PHACTR3: variants seen among roughly 807,000 people sequenced by gnomAD.
PHACTR3 encodes phosphatase and actin regulator 3.
PHACTR3 carries 16 observed loss-of-function variants against 66.8 expected under a neutral mutation model. That is an observed-to-expected ratio of 0.24 (90% CI 0.16 to 0.36). The LOEUF is 0.36. Among genes scored for constraint, PHACTR3 ranks in the 10% least tolerant of loss-of-function variants. The probability of loss-of-function intolerance (pLI) is 1.00; values close to 1 mark genes in which losing one functional copy is unlikely to be tolerated. For missense variants in PHACTR3, 647 were observed against 719.9 expected, an observed-to-expected ratio of 0.90 and a Z score of 1.16; for synonymous variants, 323 against 292.1, an observed-to-expected ratio of 1.11 and a Z score of -1.08.
intron 1 of PHACTR3, among the ~76,000 whole-genome samples, chr20:59,648,523 C>G (rs1004786037): frequency 6.6e-6 from 1 of 152,150 alleles, no homozygotes; most frequent in East Asian, 1.9e-4. Context: ...AAAATCTCCT[C>G]GTGATTTCTT....
At chr20:59,674,975 T>C (rs1438376637) in intron 1 of PHACTR3, among the ~76,000 whole-genome samples, 1 of 34,536 alleles carries the variant, frequency 2.9e-5, no homozygotes, top group African/African-American at 1.5e-4. Context: ...TTCCTCCCCT[T>C]CTGTTCCCCC....
At chr20:59,721,856 G>A (rs1038899882) in intron 1 of PHACTR3, among the ~76,000 whole-genome samples, 14 of 152,146 alleles carry the variant, frequency 9.2e-5, no homozygotes, top group East Asian at 7.7e-4. Flanking sequence ...CAAAGTCCCC[G>A]TTCTCAAGGA....
rs776432794 is a variant in PHACTR3, at chr20:59,806,167, G to A, written c.1301G>A (p.Arg434Gln). Residue 434 changes from arginine to glutamine, a missense_variant, in exon 8 of 13, where the codon CGG becomes CAG. Physicochemically the swap from Arg to Gln is conservative, Grantham distance 43. Transcript: ENST00000371015. ...ACTGATGAAGAAAGACAGGAGATCC[G>A]GCAGCAGATCGAGATGAAGCTTTCC... is the stretch of plus-strand genomic sequence containing the variant. ...RRTDEERQEI[R>Q]QQIEMKLSKR... 7.4e-6 allele frequency: 12 copies of A among 1,614,072 alleles called. No homozygotes were observed. Among genetic ancestry groups the A allele is most frequent in the African/African-American group, 5.3e-5 (4 of 74,940 alleles).
chr20:59,759,029 T>C (rs946359), intron 4 of PHACTR3, among the ~76,000 whole-genome samples: 113,222 of 152,082 alleles, frequency 0.74, 43,094 homozygotes, highest in South Asian at 0.83. Flanking sequence ...TGTCATCTGT[T>C]GTCTTCATTG....
chr20:59,814,951 G>A (rs916674106), intron 8 of PHACTR3, among the ~76,000 whole-genome samples: 2 of 152,116 alleles, frequency 1.3e-5, no homozygotes, highest in South Asian at 2.1e-4. Context: ...AACAGGAGGT[G>A]GGGGGAGGGT....
intron 12 of PHACTR3, among the ~76,000 whole-genome samples, chr20:59,846,810 T>TTCA (rs1214807691): frequency 2.0e-5 from 3 of 152,184 alleles, no homozygotes; most frequent in Non-Finnish European, 4.4e-5. Flanking sequence ...TATTAACAAA[T>TTCA]TCATCATTTC....
At chr20:59,781,387 C>T (rs1243156714) in intron 7 of PHACTR3, among the ~76,000 whole-genome samples, 2 of 152,344 alleles carry the variant, frequency 1.3e-5, no homozygotes, top group African/African-American at 2.4e-5. Flanking sequence ...ACCCACGGCG[C>T]CCAGCCTCAG....
chr20:59,722,790 T>C lies in PHACTR3; in HGVS notation c.119-20317T>C, dbSNP rs961871585. ...CAGGGGTTTGGGAGAGGTTAGCAAATACTCATGCTTGTTTTGGGAGGAGCC... is the reference window on the plus strand; with the variant it reads ...CAGGGGTTTGGGAGAGGTTAGCAAACACTCATGCTTGTTTTGGGAGGAGCC... On this transcript the variant is annotated intron_variant, in intron 1 of 12. Transcript: ENST00000371015. Among the ~76,000 whole-genome samples, 4 of 151,680 alleles carry C rather than the reference T, an allele frequency of 2.6e-5. No homozygotes were observed. In the East Asian group the frequency reaches 5.8e-4, roughly 22 times the overall value.
intron 1 of PHACTR3, among the ~76,000 whole-genome samples, chr20:59,580,947 A>G (rs113278262): frequency 4.9e-4 from 74 of 152,274 alleles, no homozygotes; most frequent in African/African-American, 1.7e-3. Context: ...TCTGTCCCAG[A>G]CTCAGGGTGG....
intron 1 of PHACTR3, among the ~76,000 whole-genome samples, chr20:59,685,382 G>A (rs1213977685): frequency 6.6e-6 from 1 of 152,186 alleles, no homozygotes; most frequent in African/African-American, 2.4e-5. Flanking sequence ...GACCCTACCA[G>A]CCTGGGTTTG....
At chr20:59,842,252 TCTTG>T (rs776944233) in intron 11 of PHACTR3, among the ~76,000 whole-genome samples, 8 of 152,356 alleles carry the variant, frequency 5.3e-5, no homozygotes, top group Non-Finnish European at 8.8e-5. Flanking sequence ...TTTGTCACCT[TCTTG>T]CTTCTATTAA....
chr20:59,599,309 C>G (rs551836098), intron 1 of PHACTR3, among the ~76,000 whole-genome samples: 1 of 152,216 alleles, frequency 6.6e-6, no homozygotes, highest in Non-Finnish European at 1.5e-5. Context: ...CAAAAATCCC[C>G]GTGCCTGTGA....
intron 1 of PHACTR3, among the ~76,000 whole-genome samples, chr20:59,683,363 G>A (rs2036734557): frequency 3.3e-5 from 5 of 152,206 alleles, no homozygotes; most frequent in Admixed American, 3.3e-4. Context: ...GGCTGAAGCT[G>A]TGCATTCGGG....
chr20:59,700,182 T>C (rs531023859), intron 1 of PHACTR3, among the ~76,000 whole-genome samples: 1 of 152,338 alleles, frequency 6.6e-6, no homozygotes, highest in South Asian at 2.1e-4. Flanking sequence ...GTAATATTTC[T>C]TGGAGATCAT....
upstream of PHACTR3, chr20:59,604,415 A>C: frequency 5.8e-6 from 1 of 171,138 alleles, no homozygotes; most frequent in Non-Finnish European, 1.2e-5. Context: ...CGGTCCAGGT[A>C]TGTGCGACCC....
chr20:59,716,217 T>C (rs1449787220), intron 1 of PHACTR3, among the ~76,000 whole-genome samples: 1 of 31,298 alleles, frequency 3.2e-5, no homozygotes, highest in Non-Finnish European at 7.9e-5. Context: ...TGTGTGTGTG[T>C]GTGTGTGTGT....
At chr20:59,593,561 A>G (rs1019713560) in intron 1 of PHACTR3, among the ~76,000 whole-genome samples, 3 of 152,228 alleles carry the variant, frequency 2.0e-5, no homozygotes, top group South Asian at 2.1e-4. Flanking sequence ...TGCATCTAAA[A>G]TGTCCTCACA....
chr20:59,755,243 C>T lies in PHACTR3; in HGVS notation c.420C>T (p.Pro140=). 6.2e-7 allele frequency: 1 copy of T among 1,614,000 alleles called. No individual in the cohort carries two copies. The highest frequency in any genetic ancestry group is 8.5e-7 in the Non-Finnish European group (1 of 1,180,048). The change falls in exon 4 of 13, where the codon CCC becomes CCT. Residue 140 remains proline (P), a synonymous_variant. Transcript: ENST00000371015. ...GGPRSVQSEP[P]TPKSETLTSE... is the part of the protein sequence containing the mutation. ...CCCGATCTGTACAGAGTGAACCACC[C>T]ACTCCCAAGTCGGAGACGCTGACTT...
At chr20:59,734,179 A>G (rs2146729643) in intron 1 of PHACTR3, among the ~76,000 whole-genome samples, 1 of 152,336 alleles carries the variant, frequency 6.6e-6, no homozygotes, top group South Asian at 2.1e-4. Context: ...AGGGTCCTCA[A>G]GTTCCAGTGC....
Sources: gnomAD v4.1 joint callset for allele counts (sites outside exome capture counted in the v4.1 genomes callset) on GRCh38, gnomAD v4.1.1 for gene constraint, MANE v1.5 for transcripts, NCBI Gene and HGNC (gene_info 2026-07-23, HGNC 2026-07-21) for gene names.